Variants in DUSP13B observed in about 807,000 individuals in gnomAD.
DUSP13B encodes dual specificity protein phosphatase 13B.
At chr10:75,106,481 C>T in the DUSP13B span, among the ~76,000 whole-genome samples, 45 of 152,332 alleles carry the variant, frequency 3.0e-4, no homozygotes, top group Non-Finnish European at 5.4e-4. Flanking sequence ...GCTTCCTCCA[C>T]AGGCTTTCTT....
chr10:75,098,595 C>G, the DUSP13B span, among the ~76,000 whole-genome samples: 1 of 152,156 alleles, frequency 6.6e-6, no homozygotes, highest in African/African-American at 2.4e-5. Flanking sequence ...AATCCTGTCT[C>G]TACCAAAAAT....
the DUSP13B span, among the ~76,000 whole-genome samples, chr10:75,102,408 A>T: frequency 6.6e-6 from 1 of 152,080 alleles, no homozygotes; most frequent in African/African-American, 2.4e-5. Flanking sequence ...GCGCCACTGC[A>T]CTCCAGCCTG....
chr10:75,095,654 G>A, the DUSP13B span: 477,326 of 1,613,756 alleles, frequency 0.3, 75,741 homozygotes, highest in East Asian at 0.62. Flanking sequence ...AGGGGTTGTC[G>A]TCCGCCTCGA....
chr10:75,101,771 A>ACCCCC, the DUSP13B span: 3 of 408,868 alleles, frequency 7.3e-6, no homozygotes, highest in South Asian at 1.8e-5. Flanking sequence ...CCCAAACCCC[A>ACCCCC]CCCCTCCCCA....
the DUSP13B span, chr10:75,105,636 C>T: frequency 6.5e-7 from 1 of 1,543,382 alleles, no homozygotes; most frequent in East Asian, 2.5e-5. Flanking sequence ...CCAACCACAT[C>T]CAGCTTTGCC....
chr10:75,101,981 T>C, the DUSP13B span: 2 of 1,364,614 alleles, frequency 1.5e-6, no homozygotes, highest in South Asian at 2.3e-5. Context: ...GATTTGAGTT[T>C]AATTATAAAG....
the DUSP13B span, among the ~76,000 whole-genome samples, chr10:75,107,303 C>T: frequency 4.6e-5 from 7 of 150,658 alleles, no homozygotes; most frequent in East Asian, 7.8e-4. Context: ...GCAGAGATCG[C>T]GCCACTGCAC....
the DUSP13B span, chr10:75,097,761 T>C: frequency 1.9e-6 from 3 of 1,613,728 alleles, no homozygotes; most frequent in Non-Finnish European, 2.5e-6. Flanking sequence ...TGGTTCAGTG[T>C]GGCAGCCTGA....
At chr10:75,097,697 GT>G in the DUSP13B span, 1 of 1,549,072 alleles carries the variant, frequency 6.5e-7, no homozygotes, top group Non-Finnish European at 8.8e-7. Context: ...CACTCCTAAC[GT>G]GGGTCTTACT....
the DUSP13B span, chr10:75,104,168 C>T: frequency 1.6e-5 from 18 of 1,160,354 alleles, no homozygotes; most frequent in Middle Eastern, 2.6e-4. Context: ...CTTGTTGGGG[C>T]AGGGATAAGA....
chr10:75,096,831 C>T, the DUSP13B span, among the ~76,000 whole-genome samples: 27 of 152,084 alleles, frequency 1.8e-4, no homozygotes, highest in Admixed American at 1.8e-3. Context: ...TTCAAATGTC[C>T]ATATTCAGTA....
the DUSP13B span, chr10:75,095,593 C>A: frequency 6.2e-7 from 1 of 1,614,046 alleles, no homozygotes. Flanking sequence ...ACACTGAGGG[C>A]AGCTCGGATG....
the DUSP13B span, among the ~76,000 whole-genome samples, chr10:75,103,024 A>C: frequency 4.6e-5 from 7 of 152,212 alleles, no homozygotes; most frequent in East Asian, 1.4e-3. Flanking sequence ...GAGGTGGGAG[A>C]ATCACCTGAG....
At chr10:75,096,758 T>C in the DUSP13B span, among the ~76,000 whole-genome samples, 3 of 151,920 alleles carry the variant, frequency 2.0e-5, no homozygotes, top group Non-Finnish European at 4.4e-5. Context: ...AATAAATAAA[T>C]AAAAATTTTA....
At chr10:75,107,573 G>C in the DUSP13B span, among the ~76,000 whole-genome samples, 1 of 152,092 alleles carries the variant, frequency 6.6e-6, no homozygotes, top group South Asian at 2.1e-4. Flanking sequence ...GCACTAAGCA[G>C]AGGACTTTTT....
the DUSP13B span, among the ~76,000 whole-genome samples, chr10:75,106,942 A>T: frequency 6.6e-6 from 1 of 152,370 alleles, no homozygotes; most frequent in Middle Eastern, 3.4e-3. Flanking sequence ...AGTGAGGGAC[A>T]CAGCTGTCTT....
At chr10:75,099,362 A>G in the DUSP13B span, 1 of 1,232,226 alleles carries the variant, frequency 8.1e-7, no homozygotes, top group Non-Finnish European at 1.0e-6. Context: ...GGCGGAAGTG[A>G]AGACCAAGCT....
At chr10:75,100,485 A>G in the DUSP13B span, among the ~76,000 whole-genome samples, 1 of 152,090 alleles carries the variant, frequency 6.6e-6, no homozygotes, top group Non-Finnish European at 1.5e-5. Flanking sequence ...TGGTTGTGGC[A>G]GCTCCGCCGG....
chr10:75,100,690 C>T, the DUSP13B span, among the ~76,000 whole-genome samples: 4 of 152,218 alleles, frequency 2.6e-5, no homozygotes, highest in Admixed American at 6.5e-5. Context: ...CTGCCTCCCC[C>T]GCTCAGCAGA....
Sources: gnomAD v4.1 joint callset for allele counts (sites outside exome capture counted in the v4.1 genomes callset) on GRCh38, gnomAD v4.1.1 for gene constraint, MANE v1.5 for transcripts, NCBI Gene and HGNC (gene_info 2026-07-23, HGNC 2026-07-21) for gene names.